TRIO: variants seen among roughly 807,000 people sequenced by gnomAD.
The protein encoded by TRIO is triple functional domain protein.
Under a neutral mutation model 351.9 loss-of-function variants are expected in TRIO, and 58 were observed. That is an observed-to-expected ratio of 0.16 (90% CI 0.13 to 0.21). The LOEUF (loss-of-function observed/expected upper bound fraction) is 0.21, where lower values mean the gene tolerates loss of function less well. Among genes scored for constraint, TRIO ranks in the 10% least tolerant of loss-of-function variants. TRIO has a pLI of 1.00. For synonymous variants in TRIO, 1,758 were observed against 1,595.7 expected (o/e 1.10, Z -2.42); for missense variants, 3,201 against 4,027.8 (o/e 0.79, Z 5.56).
intron 1 of TRIO, among the ~76,000 whole-genome samples, chr5:14,254,648 C>T (rs1794929493): frequency 6.6e-6 from 1 of 152,198 alleles, no homozygotes; most frequent in South Asian, 2.1e-4. Context: ...TCTCCACCCT[C>T]CTCCTCCTGT....
intron 1 of TRIO, among the ~76,000 whole-genome samples, chr5:14,240,852 A>G (rs1037411848): frequency 1.3e-5 from 2 of 152,190 alleles, no homozygotes; most frequent in African/African-American, 4.8e-5. Flanking sequence ...CCCTTTTTTA[A>G]CTATTGAGAT....
chr5:14,483,779 G>A (rs993748317), intron 46 of TRIO, among the ~76,000 whole-genome samples: 6 of 152,128 alleles, frequency 3.9e-5, no homozygotes, highest in Admixed American at 1.3e-4. Flanking sequence ...TCCAGACTCC[G>A]CCTTTTGAGG....
chr5:14,205,410 C>G (rs1791393309), intron 1 of TRIO, among the ~76,000 whole-genome samples: 1 of 152,172 alleles, frequency 6.6e-6, no homozygotes, highest in South Asian at 2.1e-4. Context: ...AGTAGTTCCT[C>G]AGCATTTGAA....
At chr5:14,416,396 C>A (rs1467341886) in intron 33 of TRIO, among the ~76,000 whole-genome samples, 3 of 152,014 alleles carry the variant, frequency 2.0e-5, no homozygotes, top group Admixed American at 6.5e-5. Context: ...CAGGACAGCT[C>A]TTCTCTGGGC....
At chr5:14,189,625 G>A (rs936975661) in intron 1 of TRIO, among the ~76,000 whole-genome samples, 4 of 152,072 alleles carry the variant, frequency 2.6e-5, no homozygotes, top group African/African-American at 7.2e-5. Flanking sequence ...ACTTAGAAAC[G>A]TATTTAGTAC....
rs1794209462 is a variant in TRIO, at chr5:14,242,851, A to G, written c.158-27974A>G. Among the ~76,000 whole-genome samples, 3 of 151,708 alleles carry G rather than the reference A, an allele frequency of 2.0e-5. No homozygotes were observed. The South Asian group carries it at 6.3e-4, about 32-fold the overall frequency. On this transcript the variant is annotated intron_variant, in intron 1 of 56. Transcript: ENST00000344204. ...CAAGTCAGCCAGCCCTTATATTCCC[A>G]CTCTACTCTGCATTGTTGGAGGATA...
chr5:14,391,240 G>A (rs1177663766), intron 27 of TRIO, among the ~76,000 whole-genome samples: 1 of 152,044 alleles, frequency 6.6e-6, no homozygotes, highest in Non-Finnish European at 1.5e-5. Flanking sequence ...ATGTATGTTT[G>A]TGTGTGTGTA....
In TRIO at chr5:14,390,902, C is replaced by G; in HGVS notation, c.4130C>G (p.Ala1377Gly). ...EDVGHCFVTW[A>G]DKFQMYVTYC... ...GATCTTTTTTTTTTTGGCTTACAGG[C>G]AGACAAGTTTCAGATGTATGTCACA... is the stretch of plus-strand genomic sequence containing the variant. The change falls in exon 27 of 57, where the codon GCA (alanine) becomes GGA (glycine). Residue 1377 changes from alanine to glycine, a missense_variant and splice_region_variant. Physicochemically the swap from Ala to Gly is moderately conservative, Grantham distance 60 (BLOSUM62 0). Transcript: ENST00000344204. 4 of 1,592,198 alleles carry G rather than the reference C, an allele frequency of 2.5e-6. No homozygotes were observed. Among genetic ancestry groups the G allele is most frequent in the Non-Finnish European group, 3.4e-6 (4 of 1,173,488 alleles).
At chr5:14,276,206 G>C (rs557081494) in intron 2 of TRIO, among the ~76,000 whole-genome samples, 2 of 152,110 alleles carry the variant, frequency 1.3e-5, no homozygotes, top group Non-Finnish European at 1.5e-5. Context: ...GCATTTCCCC[G>C]GAAGAGAAGG....
chr5:14,323,136 G>A (rs1740035582), intron 9 of TRIO, among the ~76,000 whole-genome samples: 1 of 152,118 alleles, frequency 6.6e-6, no homozygotes, highest in South Asian at 2.1e-4. Context: ...CGTGGTGAAT[G>A]CTAGACCTCA....
chr5:14,364,691 C>T lies in TRIO; in HGVS notation c.2629C>T (p.Arg877Trp). Residue 877 changes from arginine to tryptophan, a missense_variant, in exon 15 of 57, where the codon CGG becomes TGG. This residue lies in a region of TRIO where 363 missense variants were observed against 553.5 expected (regional missense o/e 0.66). Coordinates refer to ENST00000344204, the MANE Select transcript of TRIO (RefSeq NM_007118.4). ...TGATAGAGATGTAGACATGGCAACT[C>T]GGGTCCAGGACCTGCTGGAGTTTCT... is the stretch of plus-strand genomic sequence containing the variant. ...LCDRDVDMAT[R>W]VQDLLEFLHE... 4.3e-6 allele frequency: 7 copies of T among 1,613,858 alleles called. No homozygotes were observed. The highest frequency in any genetic ancestry group is 4.5e-5 in the East Asian group (2 of 44,884).
intron 1 of TRIO, among the ~76,000 whole-genome samples, chr5:14,156,537 A>G (rs770986722): frequency 3.3e-5 from 5 of 152,170 alleles, no homozygotes; most frequent in African/African-American, 7.2e-5. Context: ...AGTGTGTCCA[A>G]TTCCAATACA....
chr5:14,457,755 C>T (rs1365236287), intron 34 of TRIO, among the ~76,000 whole-genome samples: 1 of 152,084 alleles, frequency 6.6e-6, no homozygotes, highest in Admixed American at 6.6e-5. Flanking sequence ...GGCTGCCCTG[C>T]GTCCCTGCCT....
chr5:14,474,393 G>A (rs1015228376), intron 40 of TRIO, among the ~76,000 whole-genome samples: 5 of 152,146 alleles, frequency 3.3e-5, no homozygotes, highest in African/African-American at 9.7e-5. Flanking sequence ...TCCTGACCCC[G>A]AGCCCTCGGC....
intron 31 of TRIO, among the ~76,000 whole-genome samples, chr5:14,401,631 AG>A (rs1396416997): frequency 6.6e-6 from 1 of 152,196 alleles, no homozygotes; most frequent in African/African-American, 2.4e-5. Context: ...TAGGGTATAT[AG>A]TCTTTGGGGG....
intron 34 of TRIO, among the ~76,000 whole-genome samples, chr5:14,449,299 C>G (rs754568572): frequency 6.6e-6 from 1 of 152,224 alleles, no homozygotes; most frequent in East Asian, 1.9e-4. Context: ...TCGGCCCCAT[C>G]TCTGCTGGGA....
chr5:14,406,454 T>C (rs550120079), intron 32 of TRIO, 119 bp from the exon 33 acceptor site: 1 of 913,938 alleles, frequency 1.1e-6, no homozygotes, highest in East Asian at 2.4e-5. Flanking sequence ...ATTGTCCGCA[T>C]CCTGGCAGCA....
At chr5:14,427,493 T>G (rs997091019) in intron 34 of TRIO, among the ~76,000 whole-genome samples, 6 of 152,150 alleles carry the variant, frequency 3.9e-5, no homozygotes, top group African/African-American at 1.4e-4. Flanking sequence ...CGGTGCTGTT[T>G]CCCTGCTCAG....
At chr5:14,477,135 T>C (rs531237494) in intron 41 of TRIO, 172 bp downstream of exon 41, 71 of 590,068 alleles carry the variant, frequency 1.2e-4, no homozygotes, top group Non-Finnish European at 1.9e-4. Flanking sequence ...TCAACATGAG[T>C]TACCTGCTTT....
Sources: gnomAD v4.1 joint callset for allele counts (sites outside exome capture counted in the v4.1 genomes callset) on GRCh38, gnomAD v4.1.1 for gene constraint, gnomAD v4.1.1 regional missense constraint, MANE v1.5 for transcripts, NCBI Gene and HGNC (gene_info 2026-07-23, HGNC 2026-07-21) for gene names.